Variants in DLGAP2 observed in about 807,000 individuals in gnomAD.
DLGAP2 encodes the protein disks large-associated protein 2.
In DLGAP2, 26 loss-of-function variants were observed where a neutral mutation model predicts 100.3. The ratio of observed to expected loss-of-function variants is 0.26; its 90% CI spans 0.19 to 0.36. DLGAP2 has a LOEUF of 0.36. DLGAP2 is among the 10% of genes least tolerant of loss of function. The pLI, the probability that DLGAP2 is intolerant of heterozygous loss-of-function variation, is 1.00. For synonymous variants in DLGAP2, 886 were observed against 630.1 expected (o/e 1.41, Z -6.08); for missense variants, 1,858 against 1,453.2 (o/e 1.28, Z -4.53).
intron 3 of DLGAP2, among the ~76,000 whole-genome samples, chr8:1,329,282 T>C (rs960360257): frequency 2.0e-5 from 3 of 152,250 alleles, no homozygotes; most frequent in African/African-American, 7.2e-5. Context: ...TTACTCTCAG[T>C]AATCGCACAA....
intron 2 of DLGAP2, among the ~76,000 whole-genome samples, chr8:1,007,658 C>T (rs1267173636): frequency 6.7e-6 from 1 of 150,026 alleles, no homozygotes; most frequent in Non-Finnish European, 1.5e-5. Flanking sequence ...TTCTGTGAGT[C>T]AACTGGCTCT....
intron 12 of DLGAP2, among the ~76,000 whole-genome samples, chr8:1,684,710 A>T (rs190186253): frequency 1.3e-5 from 2 of 148,346 alleles, no homozygotes; most frequent in East Asian, 4.1e-4. Context: ...ATATTAAATC[A>T]TTAGTAATGT....
At chr8:901,256 C>T (rs1798245488) in intron 1 of DLGAP2, among the ~76,000 whole-genome samples, 1 of 152,218 alleles carries the variant, frequency 6.6e-6, no homozygotes, top group Non-Finnish European at 1.5e-5. Flanking sequence ...CGCACCATTG[C>T]ACTCCAGCCT....
chr8:1,496,343 C>T (rs1306013496), intron 3 of DLGAP2, among the ~76,000 whole-genome samples: 1 of 152,092 alleles, frequency 6.6e-6, no homozygotes, highest in African/African-American at 2.4e-5. Flanking sequence ...TCGGAACCTG[C>T]AGGTCTGTCT....
chr8:1,305,380 C>G (rs4141050), intron 3 of DLGAP2, among the ~76,000 whole-genome samples: 6 of 151,918 alleles, frequency 3.9e-5, no homozygotes, highest in African/African-American at 1.5e-4. Flanking sequence ...TTAGATAATT[C>G]GTGTGTTTAT....
At chr8:1,332,830 A>T (rs1157215535) in intron 3 of DLGAP2, among the ~76,000 whole-genome samples, 3 of 152,166 alleles carry the variant, frequency 2.0e-5, no homozygotes, top group Admixed American at 6.5e-5. Flanking sequence ...CGTAGCCGGG[A>T]TGAATGAAAA....
intron 3 of DLGAP2, among the ~76,000 whole-genome samples, chr8:1,281,690 C>G (rs1015859711): frequency 1.3e-5 from 2 of 152,206 alleles, no homozygotes; most frequent in African/African-American, 4.8e-5. Context: ...GCTCCCCACA[C>G]TCCCTAAGGA....
At chr8:1,636,309 A>G (rs1031162041) in intron 8 of DLGAP2, among the ~76,000 whole-genome samples, 2 of 152,204 alleles carry the variant, frequency 1.3e-5, no homozygotes, top group Non-Finnish European at 2.9e-5. Flanking sequence ...GAAGTCATTA[A>G]AACAAAGGGA....
chr8:1,189,204 A>C (rs115527996), intron 2 of DLGAP2, among the ~76,000 whole-genome samples: 5,267 of 143,608 alleles, frequency 0.037, 441 homozygotes, highest in East Asian at 0.16. Context: ...GACCTTACAC[A>C]GGATTTGGGC....
chr8:1,324,886 A>G (rs933331074), intron 3 of DLGAP2, among the ~76,000 whole-genome samples: 2 of 152,200 alleles, frequency 1.3e-5, no homozygotes, highest in Non-Finnish European at 2.9e-5. Flanking sequence ...ACAAGAATAA[A>G]GGAAGACTCC....
intron 4 of DLGAP2, among the ~76,000 whole-genome samples, chr8:1,520,245 T>C (rs2130413747): frequency 6.6e-6 from 1 of 152,068 alleles, no homozygotes; most frequent in Non-Finnish European, 1.5e-5. Flanking sequence ...ACCCCGGAGC[T>C]CATGGTTCAC....
At chr8:1,438,510 G>C (rs952004126) in intron 3 of DLGAP2, among the ~76,000 whole-genome samples, 1 of 152,196 alleles carries the variant, frequency 6.6e-6, no homozygotes, top group East Asian at 1.9e-4. Context: ...ACGTATGTAA[G>C]TGGTGACTCA....
chr8:1,679,198 G>A (rs375045769), intron 12 of DLGAP2, among the ~76,000 whole-genome samples: 1,490 of 90,788 alleles, frequency 0.016, 4 homozygotes, highest in Middle Eastern at 0.098. Flanking sequence ...TTCCTCTACG[G>A]GAGTCACCAC....
Position 1,685,102 on chromosome 8 carries a change from T to G in DLGAP2, c.2705-6433T>G, listed in dbSNP as rs531977093. 1.1e-3 allele frequency among the ~76,000 whole-genome samples: 166 copies of G among 151,566 alleles called. 4 individuals are homozygous for G. Among genetic ancestry groups the G allele is most frequent in the African/African-American group, 3.8e-3 (155 of 40,938 alleles). On this transcript the variant is annotated intron_variant, in intron 12 of 14. Transcript: ENST00000637795. ...CAAGAGCCGGGGTCAGATGTGTGAC[T>G]TTGTATCTCCTGGGCCATCTTCCAT...
At chr8:1,112,237 A>T (rs867539053) in intron 2 of DLGAP2, among the ~76,000 whole-genome samples, 72 of 97,986 alleles carry the variant, frequency 7.3e-4, no homozygotes, top group Middle Eastern at 8.1e-3. Flanking sequence ...TCCTTTGCCC[A>T]TTTTTTTTTT....
intron 3 of DLGAP2, among the ~76,000 whole-genome samples, chr8:1,446,526 G>C (rs553811219): frequency 6.6e-6 from 1 of 152,176 alleles, no homozygotes; most frequent in Non-Finnish European, 1.5e-5. Flanking sequence ...CAGGTAGTGT[G>C]ATGCCTCCAG....
At chr8:1,373,804 T>C (rs530684889) in intron 3 of DLGAP2, 1 of 152,404 alleles carries the variant, frequency 6.6e-6, no homozygotes, top group South Asian at 2.1e-4. Context: ...TCAGGTTCAA[T>C]GCACGGAATC....
intron 2 of DLGAP2, among the ~76,000 whole-genome samples, chr8:1,166,392 G>A (rs960546229): frequency 1.3e-5 from 2 of 152,122 alleles, no homozygotes; most frequent in African/African-American, 4.8e-5. Context: ...TTAATAATGC[G>A]CCATCTGATT....
At chr8:1,445,045 C>T (rs1234433046) in intron 3 of DLGAP2, among the ~76,000 whole-genome samples, 4 of 149,518 alleles carry the variant, frequency 2.7e-5, no homozygotes, top group South Asian at 2.1e-4. Flanking sequence ...GCTGGGATTA[C>T]AGGCATGAGC....
Sources: gnomAD v4.1 joint callset for allele counts (sites outside exome capture counted in the v4.1 genomes callset) on GRCh38, gnomAD v4.1.1 for gene constraint, MANE v1.5 for transcripts, NCBI Gene and HGNC (gene_info 2026-07-23, HGNC 2026-07-21) for gene names.